Variants in SLC5A1 observed in about 807,000 individuals in gnomAD.
The protein encoded by SLC5A1 is solute carrier family 5 member 1.
A neutral mutation model predicts 73.5 loss-of-function variants in SLC5A1; 42 were observed. The observed-to-expected ratio is 0.57, with a 90% CI of 0.45 to 0.74. The LOEUF is 0.74. Among genes scored for constraint, SLC5A1 ranks in the 30% least tolerant of loss-of-function variants. The pLI is 0.00. For missense variants in SLC5A1, 634 were observed against 855.4 expected (o/e 0.74, Z 3.23); for synonymous variants, 300 against 317.4 (o/e 0.95, Z 0.58).
chr22:32,110,520 T>C lies in SLC5A1; in HGVS notation c.*307T>C, dbSNP rs550688788. 1 of 446,264 alleles carries C rather than the reference T, an allele frequency of 2.2e-6. No individual in the cohort carries two copies. The highest frequency in any genetic ancestry group is 2.0e-5 in the African/African-American group (1 of 50,306). The allele number at this position is 446,264 out of a possible 1,614,324, so 27.6% of individuals were successfully genotyped here. ...GTGATTGATGTCTGACGTGAGTCTGTCTCAGGTAGATTCCGGGTGTCAGTG... is the reference window on the plus strand; with the variant it reads ...GTGATTGATGTCTGACGTGAGTCTGCCTCAGGTAGATTCCGGGTGTCAGTG... On this transcript the variant is annotated 3_prime_UTR_variant, in exon 15 of 15. Transcript: ENST00000266088.
intron 14 of SLC5A1, among the ~76,000 whole-genome samples, chr22:32,108,948 G>C (rs117209345): frequency 0.045 from 6,846 of 152,118 alleles, 208 homozygotes; most frequent in Non-Finnish European, 0.07. Flanking sequence ...GGCCAAGGTG[G>C]GAGTATTGCT....
At chr22:32,091,923 C>G (rs910483870) in intron 11 of SLC5A1, among the ~76,000 whole-genome samples, 161 bp downstream of exon 11, 2 of 152,010 alleles carry the variant, frequency 1.3e-5, no homozygotes, top group African/African-American at 2.4e-5. Context: ...ACTTTATTTA[C>G]TTATTATTTT....
intron 10 of SLC5A1, among the ~76,000 whole-genome samples, chr22:32,088,332 A>G (rs1401376556): frequency 1.4e-5 from 2 of 142,214 alleles, no homozygotes; most frequent in East Asian, 2.0e-4. Flanking sequence ...TAAATACTGC[A>G]TTCCTTTTTT....
In SLC5A1 at chr22:32,091,334, CACACACA is replaced by C. The variant is rs1441434585; in HGVS notation, c.1130-277_1130-271del. 4.9e-3 allele frequency among the ~76,000 whole-genome samples: 747 copies of C among 151,526 alleles called. 10 individuals are homozygous for C. The highest frequency in any genetic ancestry group is 0.017 in the African/African-American group (701 of 41,262). On this transcript the variant is annotated intron_variant, in intron 10 of 14. Coordinates refer to ENST00000266088, the MANE Select transcript of SLC5A1 (RefSeq NM_000343.4). ...ACACACACACACACACACACACACA[CACACACA>C]CCCCACCACCTTCATCATCGTCCAG...
chr22:32,097,282 C>T (rs1448638141), intron 11 of SLC5A1, among the ~76,000 whole-genome samples: 1 of 152,058 alleles, frequency 6.6e-6, no homozygotes, highest in Non-Finnish European at 1.5e-5. Context: ...GCATGAGTGG[C>T]TGGGAAAGGC....
intron 5 of SLC5A1, among the ~76,000 whole-genome samples, chr22:32,077,052 T>C (rs897990366): frequency 4.6e-5 from 7 of 152,224 alleles, no homozygotes; most frequent in African/African-American, 1.7e-4. Context: ...AGACAGTAAA[T>C]GCAAAGCATA....
chr22:32,072,134 G>A (rs1263099456), intron 5 of SLC5A1, among the ~76,000 whole-genome samples: 1 of 152,026 alleles, frequency 6.6e-6, no homozygotes, highest in Non-Finnish European at 1.5e-5. Flanking sequence ...CATGTCACGG[G>A]AGTTTGGTGT....
At chr22:32,059,222 C>G in intron 2 of SLC5A1, 1 of 985,332 alleles carries the variant, frequency 1.0e-6, no homozygotes, top group Non-Finnish European at 1.2e-6. Flanking sequence ...CAGAAAAAGA[C>G]TCTGTCCCAA....
intron 5 of SLC5A1, among the ~76,000 whole-genome samples, chr22:32,078,719 C>A (rs2093994756): frequency 6.6e-6 from 1 of 151,870 alleles, no homozygotes; most frequent in Non-Finnish European, 1.5e-5. Context: ...GTTTGGGAGG[C>A]TGAGGTGGGT....
At chr22:32,073,779 G>A (rs1446233153) in intron 5 of SLC5A1, among the ~76,000 whole-genome samples, 1 of 152,032 alleles carries the variant, frequency 6.6e-6, no homozygotes, top group Admixed American at 6.5e-5. Context: ...AGCTGGTCTC[G>A]AACTCCTGAC....
intron 14 of SLC5A1, among the ~76,000 whole-genome samples, chr22:32,107,180 A>G (rs2094047735): frequency 1.3e-5 from 2 of 152,200 alleles, no homozygotes. Flanking sequence ...TGGGGCAGGC[A>G]GGCAGGAACA....
intron 11 of SLC5A1, among the ~76,000 whole-genome samples, chr22:32,097,205 C>T (rs2094027656): frequency 6.6e-6 from 1 of 152,174 alleles, no homozygotes; most frequent in South Asian, 2.1e-4. Context: ...GATGTGAAAC[C>T]ATTCCAAACT....
chr22:32,062,892 G>C (rs1700063498), intron 2 of SLC5A1, among the ~76,000 whole-genome samples: 1 of 152,184 alleles, frequency 6.6e-6, no homozygotes, highest in African/African-American at 2.4e-5. Context: ...AAATACCACA[G>C]ACTAGGTGGC....
At chr22:32,088,144 A>G (rs2094011178) in intron 10 of SLC5A1, among the ~76,000 whole-genome samples, 1 of 152,134 alleles carries the variant, frequency 6.6e-6, no homozygotes, top group African/African-American at 2.4e-5. Flanking sequence ...CATGGATTGC[A>G]TTGGCCTCTG....
chr22:32,080,608 G>C (rs1385222956), intron 5 of SLC5A1, among the ~76,000 whole-genome samples: 1 of 152,144 alleles, frequency 6.6e-6, no homozygotes, highest in African/African-American at 2.4e-5. Context: ...TGCTGTTTGC[G>C]TGCCGTGAAA....
chr22:32,100,066 C>T (rs1199012968), intron 12 of SLC5A1, among the ~76,000 whole-genome samples: 1 of 152,188 alleles, frequency 6.6e-6, no homozygotes, highest in Non-Finnish European at 1.5e-5. Context: ...GAAGACATGG[C>T]ATTCAAGTCA....
intron 14 of SLC5A1, among the ~76,000 whole-genome samples, chr22:32,106,754 G>A (rs16989871): frequency 0.012 from 1,781 of 152,296 alleles, 36 homozygotes; most frequent in African/African-American, 0.039. Flanking sequence ...TCCTCTCTAT[G>A]TGGGAAACGT....
At chr22:32,050,058 T>TA in intron 2 of SLC5A1, 44 bp downstream of exon 2, 1 of 1,501,392 alleles carries the variant, frequency 6.7e-7, no homozygotes, top group Non-Finnish European at 9.3e-7. Context: ...GCTTAACTGA[T>TA]ACTCCCTTTA....
rs1213615099 is a variant in SLC5A1 at position 32,112,088 on chromosome 22, C to T, written c.*1875C>T. 6.6e-6 allele frequency: 1 copy of T among 152,166 alleles called. No homozygotes were observed. The highest frequency in any genetic ancestry group is 1.5e-5 in the Non-Finnish European group (1 of 68,024). The allele number at this position is 152,166 out of a possible 1,614,324, so 9.4% of individuals were successfully genotyped here. ...ATGTCCTTGAACCTTCATTTTTCAT[C>T]TGAAAACAGAGACATAAATGCCTGG... On this transcript the variant is annotated 3_prime_UTR_variant, in exon 15 of 15. Transcript: ENST00000266088.
Sources: allele counts gnomAD v4.1 joint callset (sites outside exome capture counted in the v4.1 genomes callset), GRCh38; gene constraint gnomAD v4.1.1; transcripts MANE v1.5; gene names NCBI Gene and HGNC (gene_info 2026-07-23, HGNC 2026-07-21).